The following DPYD variants were observed in gnomAD, a reference collection of about 807,000 sequenced individuals.
DPYD encodes dihydropyrimidine dehydrogenase [NADP(+)].
A neutral mutation model predicts 116.2 loss-of-function variants in DPYD; 109 were observed. The ratio of observed to expected loss-of-function variants is 0.94; its 90% CI spans 0.80 to 1.10. The LOEUF is 1.10. DPYD is among the 50% of genes least tolerant of loss of function. The probability of loss-of-function intolerance (pLI) is 0.00; values close to 1 mark genes in which losing one functional copy is unlikely to be tolerated. For missense variants in DPYD, 1,302 were observed against 1,254.5 expected (o/e 1.04, Z -0.57); for synonymous variants, 440 against 432.0 (o/e 1.02, Z -0.23).
intron 1 of DPYD, among the ~76,000 whole-genome samples, chr1:97,913,844 A>T (rs566703339): frequency 1.3e-5 from 2 of 151,788 alleles, no homozygotes; most frequent in Non-Finnish European, 2.9e-5. Context: ...GGAATAAAAC[A>T]TGGGGGGGAG....
chr1:97,303,605 A>G (rs1403352686), intron 18 of DPYD, among the ~76,000 whole-genome samples: 1 of 152,058 alleles, frequency 6.6e-6, no homozygotes, highest in Non-Finnish European at 1.5e-5. Flanking sequence ...AGATTCTATT[A>G]CTTTTAAACT....
At chr1:97,407,369 G>T (rs1048427656) in intron 14 of DPYD, among the ~76,000 whole-genome samples, 16 of 152,096 alleles carry the variant, frequency 1.1e-4, no homozygotes, top group Non-Finnish European at 1.9e-4. Context: ...AATTTTATGA[G>T]ATTTAGCTCT....
chr1:97,719,778 A>T (rs2101022210), intron 5 of DPYD: 1 of 985,034 alleles, frequency 1.0e-6, no homozygotes, highest in East Asian at 1.1e-4. Context: ...CCACGAGGAC[A>T]TTTTTAATTT....
intron 16 of DPYD, among the ~76,000 whole-genome samples, chr1:97,365,822 C>T (rs537576622): frequency 3.6e-4 from 55 of 152,170 alleles, no homozygotes; most frequent in South Asian, 1.2e-3. Flanking sequence ...TTAGCAGACA[C>T]GGGGTTTCGC....
chr1:97,097,043 G>A (rs960532020), intron 21 of DPYD, among the ~76,000 whole-genome samples: 4 of 152,116 alleles, frequency 2.6e-5, no homozygotes, highest in South Asian at 2.1e-4. Context: ...AAAAAGGCTC[G>A]TGAAGGGCTG....
intron 13 of DPYD, among the ~76,000 whole-genome samples, chr1:97,513,430 T>C (rs1213066217): frequency 1.3e-5 from 2 of 151,716 alleles, no homozygotes; most frequent in African/African-American, 2.4e-5. Flanking sequence ...CTTTATCATA[T>C]GCAAGCTTGG....
intron 11 of DPYD, 51 bp downstream of exon 11, chr1:97,573,709 C>G (rs774756796): frequency 6.2e-7 from 1 of 1,603,616 alleles, no homozygotes; most frequent in Non-Finnish European, 8.5e-7. Flanking sequence ...ACTATTACAG[C>G]ACTAAAATAA....
intron 14 of DPYD, among the ~76,000 whole-genome samples, chr1:97,442,096 A>C (rs756016721): frequency 6.6e-6 from 1 of 151,992 alleles, no homozygotes; most frequent in African/African-American, 2.4e-5. Context: ...GCATGAGCTG[A>C]TCTGTACTCA....
At chr1:97,647,781 T>C (rs184538534) in intron 8 of DPYD, among the ~76,000 whole-genome samples, 1 of 152,108 alleles carries the variant, frequency 6.6e-6, no homozygotes, top group East Asian at 1.9e-4. Flanking sequence ...TAATAAAATA[T>C]TAAGATCACT....
intron 13 of DPYD, among the ~76,000 whole-genome samples, chr1:97,510,093 C>T (rs1441306434): frequency 6.7e-6 from 1 of 150,312 alleles, no homozygotes; most frequent in Non-Finnish European, 1.5e-5. Context: ...TAGCCATTTA[C>T]AAAACAAACA....
chr1:97,139,525 T>A (rs138549482), intron 20 of DPYD, among the ~76,000 whole-genome samples: 37 of 152,274 alleles, frequency 2.4e-4, no homozygotes, highest in African/African-American at 8.9e-4. Flanking sequence ...ATTTAAAAAA[T>A]CTTGGACCTG....
At chr1:97,628,385 A>G (rs78466668) in intron 8 of DPYD, among the ~76,000 whole-genome samples, 3,230 of 152,134 alleles carry the variant, frequency 0.021, 89 homozygotes, top group South Asian at 0.043. Context: ...GATTTTTCTT[A>G]TTGTGTATGG....
chr1:97,100,813 A>G (rs1650624937), intron 20 of DPYD, among the ~76,000 whole-genome samples: 1 of 152,078 alleles, frequency 6.6e-6, no homozygotes, highest in Non-Finnish European at 1.5e-5. Flanking sequence ...AAATTTTTGA[A>G]AATCTTTTGA....
Position 97,780,130 on chromosome 1 carries a change from A to C in DPYD, c.234-39651T>G, listed in dbSNP as rs573195890. Among the ~76,000 whole-genome samples, 54 of 152,300 alleles carry C rather than the reference A, an allele frequency of 3.5e-4. 1 individual carries two copies. The South Asian group carries it at 7.5e-3, about 21-fold the overall frequency. On this transcript the variant is annotated intron_variant, in intron 3 of 22. Coordinates refer to ENST00000370192, the MANE Select transcript of DPYD (RefSeq NM_000110.4). ...AATCAGTGATGTCTTGGAATTGAGG[A>C]AAAAGAGTATTAACTTATTGTACTG...
intron 3 of DPYD, chr1:97,774,985 A>C (rs1377606015): frequency 6.2e-6 from 2 of 323,552 alleles, no homozygotes; most frequent in African/African-American, 4.4e-5. Context: ...AGTAGGGACA[A>C]AAAAAAGAAA....
At chr1:97,575,856 G>A (rs1206074934) in intron 10 of DPYD, among the ~76,000 whole-genome samples, 1 of 152,084 alleles carries the variant, frequency 6.6e-6, no homozygotes, top group Non-Finnish European at 1.5e-5. Context: ...AATGCCTAAA[G>A]CAGAATTTAG....
intron 22 of DPYD, among the ~76,000 whole-genome samples, chr1:97,079,517 C>A (rs1388907888): frequency 6.6e-6 from 1 of 152,006 alleles, no homozygotes; most frequent in Non-Finnish European, 1.5e-5. Flanking sequence ...TTCACACGTC[C>A]TCCTTTTCCT....
intron 19 of DPYD, among the ~76,000 whole-genome samples, chr1:97,216,806 C>T (rs778206056): frequency 6.6e-6 from 1 of 151,198 alleles, no homozygotes; most frequent in Non-Finnish European, 1.5e-5. Context: ...ACAACAACAA[C>T]AAAAAAGTGT....
At chr1:97,912,156 A>G (rs980385930) in intron 1 of DPYD, among the ~76,000 whole-genome samples, 1 of 152,038 alleles carries the variant, frequency 6.6e-6, no homozygotes, top group Non-Finnish European at 1.5e-5. Context: ...CCTTTTTTAA[A>G]ACATATTTTT....
Sources: allele counts gnomAD v4.1 joint callset (sites outside exome capture counted in the v4.1 genomes callset), GRCh38; gene constraint gnomAD v4.1.1; transcripts MANE v1.5; gene names NCBI Gene and HGNC (gene_info 2026-07-23, HGNC 2026-07-21).